WNK2: variants seen among roughly 807,000 people sequenced by gnomAD.
The protein encoded by WNK2 is serine/threonine-protein kinase WNK2.
WNK2 carries 67 observed loss-of-function variants against 192.1 expected under a neutral mutation model. That is an observed-to-expected ratio of 0.35 (90% confidence interval 0.29 to 0.43). The LOEUF is 0.43. WNK2 is among the 20% of genes least tolerant of loss of function. The probability of loss-of-function intolerance (pLI) is 1.00; values close to 1 mark genes in which losing one functional copy is unlikely to be tolerated. For missense variants in WNK2, 2,698 were observed against 3,089.7 expected (o/e 0.87, Z 3.01); for synonymous variants, 1,439 against 1,393.9 (o/e 1.03, Z -0.72).
Position 93,185,251 on chromosome 9 carries a change from C to A in WNK2, c.322C>A (p.Pro108Thr). 1.6e-6 allele frequency: 2 copies of A among 1,259,732 alleles called. No individual in the cohort carries two copies. The highest frequency in any genetic ancestry group is 2.0e-6 in the Non-Finnish European group (2 of 1,006,474). The allele number at this position is 1,259,732 out of a possible 1,614,324, so 78.0% of individuals were successfully genotyped here. The change falls in exon 2 of 30, where the codon CCC (proline) becomes ACC (threonine). Residue 108 changes from proline to threonine, a missense_variant. By Grantham distance (38) the Pro-to-Thr change is conservative. Coordinates refer to ENST00000427277, the MANE Select transcript of WNK2 (RefSeq NM_006648.4). Reference sequence around the variant, plus strand: ...AGCGCTGGTAGCGCAGCCGGGAGCCCCCGGAGCCCCCGCGGACGCCGGCCC... The same window carrying A: ...AGCGCTGGTAGCGCAGCCGGGAGCCACCGGAGCCCCCGCGGACGCCGGCCC... ...PAALVAQPGAPGAPADAGPEP... is the reference protein window; with the variant it reads ...PAALVAQPGATGAPADAGPEP...
chr9:93,221,001 A>C (rs1163053668), intron 2 of WNK2, among the ~76,000 whole-genome samples: 1 of 151,974 alleles, frequency 6.6e-6, no homozygotes, highest in Admixed American at 6.5e-5. Context: ...CAGCTCCACT[A>C]GCATCCCATG....
intron 26 of WNK2, among the ~76,000 whole-genome samples, chr9:93,300,991 T>C (rs1003988046): frequency 2.6e-5 from 4 of 152,204 alleles, no homozygotes; most frequent in Non-Finnish European, 5.9e-5. Context: ...TGACCTCCCA[T>C]GACCGCAGGG....
intron 6 of WNK2, among the ~76,000 whole-genome samples, chr9:93,238,665 GCCTCTCTGCT>G (rs1292016045): frequency 9.8e-5 from 15 of 152,358 alleles, no homozygotes; most frequent in East Asian, 9.6e-4. Context: ...CTTCTCTCCA[GCCTCTCTGCT>G]CCTCTCTGCA....
intron 19 of WNK2, among the ~76,000 whole-genome samples, chr9:93,282,582 C>A (rs891008869): frequency 6.6e-6 from 1 of 151,958 alleles, no homozygotes; most frequent in African/African-American, 2.4e-5. Context: ...ATTTTTATAT[C>A]AATGTAGATT....
chr9:93,262,809 T>A, intron 14 of WNK2, 90 bp downstream of exon 14: 1 of 1,441,478 alleles, frequency 6.9e-7, no homozygotes. Flanking sequence ...CTGCTTCCCC[T>A]GGAACCCACT....
chr9:93,218,489 C>G lies in WNK2; in HGVS notation c.682-11207C>G, dbSNP rs116609264. On this transcript the variant is annotated intron_variant, in intron 2 of 29. Coordinates refer to ENST00000427277, the MANE Select transcript of WNK2 (RefSeq NM_006648.4). Reference sequence around the variant, plus strand: ...GCCGATGTGTTCTCCTGGGGAGGAGCCAGGCCTGCAATCAGGAAAGTTTTT... The same window carrying G: ...GCCGATGTGTTCTCCTGGGGAGGAGGCAGGCCTGCAATCAGGAAAGTTTTT... Among the ~76,000 whole-genome samples, 286 of 152,306 alleles carry G rather than the reference C, an allele frequency of 1.9e-3. 2 individuals are homozygous for G. The highest frequency in any genetic ancestry group is 6.7e-3 in the African/African-American group (277 of 41,556).
In WNK2 at chr9:93,297,875, C is replaced by T. The variant is rs776258149; in HGVS notation, c.5731C>T (p.Leu1911=). ...CAGGCACCTGAAGGAGATCTCGGAG[C>T]TGCAGAGCCAGCAGAAGCAGGAGAT... ...REKHLKEISE[L]QSQQKQEIEA... Residue 1911 remains leucine, a synonymous_variant, in exon 24 of 30, where the codon CTG becomes TTG. Transcript: ENST00000427277. 6.3e-7 allele frequency: 1 copy of T among 1,588,426 alleles called. No individual in the cohort carries two copies. Among genetic ancestry groups the T allele is most frequent in the Non-Finnish European group, 8.6e-7 (1 of 1,168,654 alleles).
rs544494927 is a variant in WNK2, at chr9:93,275,476, A to C, written c.4033+6730A>C. Among the ~76,000 whole-genome samples, 768 of 152,248 alleles carry C rather than the reference A, an allele frequency of 5.0e-3. 4 individuals carry two copies. Among genetic ancestry groups the C allele is most frequent in the Middle Eastern group, 0.017 (5 of 294 alleles). On this transcript the variant is annotated intron_variant, in intron 19 of 29. Transcript: ENST00000427277. ...TCTGATTAATTTAAAACACACATAC[A>C]TACACACAACATAAAAACCCACCGT...
Position 93,289,263 on chromosome 9 carries a change from A to G in WNK2, c.4509A>G (p.Ala1503=), listed in dbSNP as rs1848943612. 1 of 1,601,904 alleles carries G rather than the reference A, an allele frequency of 6.2e-7. No individual in the cohort carries two copies. The stretch of plus-strand genomic sequence containing the variant: ...AACCTGCTCCCCTGCTTCCTGCCGC[A>G]GTGGGGGCCGTCAGCCTGGCCACCT... ...LGQPAPLLPA[A]VGAVSLATSQ... Residue 1503 remains alanine, a synonymous_variant, in exon 20 of 30, where the codon GCA becomes GCG. Transcript: ENST00000427277.
intron 2 of WNK2, among the ~76,000 whole-genome samples, chr9:93,221,091 G>A (rs529662404): frequency 3.9e-4 from 59 of 152,320 alleles, no homozygotes; most frequent in African/African-American, 1.3e-3. Flanking sequence ...CCCTGTGACC[G>A]GAGCCCTGCG....
chr9:93,216,782 C>G (rs1835815121), intron 2 of WNK2, among the ~76,000 whole-genome samples: 2 of 151,408 alleles, frequency 1.3e-5, no homozygotes, highest in Non-Finnish European at 2.9e-5. Context: ...TGCGCTCCAG[C>G]CTGGGTGACA....
intron 4 of WNK2, 138 bp from the exon 5 acceptor site, chr9:93,234,670 G>T (rs888732901): frequency 5.9e-6 from 6 of 1,016,352 alleles, no homozygotes; most frequent in African/African-American, 1.6e-5. Context: ...CTGGCCCTGG[G>T]GTCCAGGTGT....
At chr9:93,216,290 G>A (rs1835728375) in intron 2 of WNK2, among the ~76,000 whole-genome samples, 1 of 152,100 alleles carries the variant, frequency 6.6e-6, no homozygotes, top group African/African-American at 2.4e-5. Context: ...AATGTAATGT[G>A]AGCCACAAAT....
At chr9:93,222,472 A>G (rs9696691) in intron 2 of WNK2, among the ~76,000 whole-genome samples, 24,480 of 152,166 alleles carry the variant, frequency 0.16, 2,194 homozygotes, top group East Asian at 0.26. Flanking sequence ...GAATGTGGGA[A>G]GAGTCCAGTG....
intron 2 of WNK2, among the ~76,000 whole-genome samples, chr9:93,204,449 A>G (rs1833016471): frequency 1.3e-5 from 2 of 152,204 alleles, no homozygotes; most frequent in African/African-American, 4.8e-5. Context: ...AGGCGGGGCC[A>G]GCCCTCGGGG....
chr9:93,224,877 T>G (rs1588018248), intron 2 of WNK2, among the ~76,000 whole-genome samples: 1 of 152,166 alleles, frequency 6.6e-6, no homozygotes, highest in South Asian at 2.1e-4. Flanking sequence ...TGGAAATCAC[T>G]TAGGGATCAG....
At position 93,247,742 on chromosome 9, in the gene WNK2, C is replaced by G. The variant is rs561143825; in HGVS notation, c.1742C>G (p.Ala581Gly). 3.9e-6 allele frequency: 6 copies of G among 1,554,506 alleles called. No individual in the cohort carries two copies. The East Asian group carries it at 1.5e-4, about 38-fold the overall frequency. Reference protein sequence around the residue: ...LQVQVTYHAQAGQPGPPEPEE... With the variant: ...LQVQVTYHAQGGQPGPPEPEE... ...GTCCAGGTGACCTACCATGCACAGG[C>G]TGGGCAGCCCGGGCCACCAGAGCCC... Residue 581 changes from alanine to glycine, a missense_variant, in exon 8 of 30, where the codon GCT (alanine) becomes GGT (glycine). Physicochemically the swap from Ala to Gly is moderately conservative, Grantham distance 60. Coordinates refer to ENST00000427277, the MANE Select transcript of WNK2 (RefSeq NM_006648.4). The surrounding 1 kb of genome is among the most constrained non-coding windows in gnomAD (Gnocchi z 5.2).
rs1834152635 is a variant in WNK2 at position 93,209,780 on chromosome 9, C to A, written c.682-19916C>A. Among the ~76,000 whole-genome samples, 3 of 152,150 alleles carry A rather than the reference C, an allele frequency of 2.0e-5. No homozygotes were observed. The South Asian group carries it at 6.2e-4, about 32-fold the overall frequency. ...GAGTGCGTGCTGAAAGTCACCATTG[C>A]TGATGGTCGAAGCCCGCCCTTCCCC... is the stretch of plus-strand genomic sequence containing the variant. On this transcript the variant is annotated intron_variant, in intron 2 of 29. Transcript: ENST00000427277.
At chr9:93,202,412 C>T (rs373839302) in intron 2 of WNK2, among the ~76,000 whole-genome samples, 10 of 151,838 alleles carry the variant, frequency 6.6e-5, no homozygotes, top group African/African-American at 2.4e-4. Context: ...CCTGCCCCTC[C>T]GGCGCTTCCG....
Sources: allele counts gnomAD v4.1 joint callset (sites outside exome capture counted in the v4.1 genomes callset), GRCh38; gene constraint gnomAD v4.1.1; non-coding constraint Gnocchi (gnomAD v3.1); transcripts MANE v1.5; gene names NCBI Gene and HGNC (gene_info 2026-07-23, HGNC 2026-07-21).